TPD52L2: variants seen among roughly 807,000 people sequenced by gnomAD.
TPD52L2 encodes TPD52 like 2, also known as tumor protein D54.
Under a neutral mutation model 24.7 loss-of-function variants are expected in TPD52L2, and 19 were observed. The observed-to-expected ratio is 0.77, with a 90% CI of 0.54 to 1.13. TPD52L2 has a LOEUF of 1.13. TPD52L2 is among the 50% of genes most tolerant of loss of function. TPD52L2 has a pLI of 0.00. For synonymous variants in TPD52L2, 104 were observed against 100.2 expected, an observed-to-expected ratio of 1.04 and a Z score of -0.23; for missense variants, 236 against 250.4, an observed-to-expected ratio of 0.94 and a Z score of 0.39.
rs2052745254 is a variant in TPD52L2 at position 63,877,801 on chromosome 20, A to T, written c.374+1926A>T. ...TCACCTGGCCGAGGCCATTCCCCTG[A>T]GTTCTGTGGCGAGAGCTGTCAACTG... On this transcript the variant is annotated intron_variant, in intron 4 of 6. Transcript: ENST00000346249. This position sits in a 1 kb window ranked among gnomAD's most constrained non-coding sequence, Gnocchi z 4.1. Among the ~76,000 whole-genome samples the T allele has an allele frequency of 6.6e-6, 1 of 152,240 alleles. No individual in the cohort carries two copies. The highest frequency in any genetic ancestry group is 1.5e-5 in the Non-Finnish European group (1 of 68,044).
At chr20:63,867,639 G>A (rs922672021) in intron 1 of TPD52L2, among the ~76,000 whole-genome samples, 2 of 152,112 alleles carry the variant, frequency 1.3e-5, no homozygotes, top group African/African-American at 4.8e-5. Context: ...GAGCGCCAAG[G>A]AAGTGCACAC....
In TPD52L2 at chr20:63,890,080, C is replaced by A. The variant is rs147934118; in HGVS notation, c.*135C>A. ...CTGAGGACAGTCCTGCCCATCCACG[C>A]GGAGATGTGGCTGCCGCGTTTGCAT... On this transcript the variant is annotated 3_prime_UTR_variant, in exon 7 of 7. Transcript: ENST00000346249. 6.6e-7 allele frequency: 1 copy of A among 1,511,064 alleles called. No individual in the cohort carries two copies. The highest frequency in any genetic ancestry group is 1.2e-5 in the South Asian group (1 of 83,060). 93.6% of individuals were successfully genotyped at this position (1,511,064 alleles called of 1,614,324 possible).
chr20:63,887,840 A>T (rs2053191542), intron 5 of TPD52L2: 1 of 577,836 alleles, frequency 1.7e-6, no homozygotes, highest in Non-Finnish European at 3.1e-6. Context: ...CCTTGTGTCA[A>T]ACTGGGCCGT....
chr20:63,887,482 C>T (rs1249696844), intron 5 of TPD52L2: 1 of 1,458,344 alleles, frequency 6.9e-7, no homozygotes, highest in Non-Finnish European at 9.6e-7. Flanking sequence ...CAGCTCTGCC[C>T]ATCCCTGCCA....
At chr20:63,867,513 C>T (rs6010686) in intron 1 of TPD52L2, among the ~76,000 whole-genome samples, 1 of 151,216 alleles carries the variant, frequency 6.6e-6, no homozygotes. Context: ...TTGCAGTGAG[C>T]GGAGATCGTG....
chr20:63,875,923 C>T, intron 4 of TPD52L2, 48 bp downstream of exon 4: 1 of 1,590,206 alleles, frequency 6.3e-7, no homozygotes, highest in Non-Finnish European at 8.6e-7. Flanking sequence ...TCTCCGCCTC[C>T]TGACACTCAG....
At position 63,889,234 on chromosome 20, in the gene TPD52L2, T is replaced by G. The variant is rs773004545; in HGVS notation, c.521T>G (p.Ile174Arg). ...FKSFEDRVGT[I>R]KSKVVGDREN... The stretch of plus-strand genomic sequence containing the variant: ...TCGTTTGAGGACCGAGTTGGGACCA[T>G]AAAGGTAATTGTACCTGGACTGTTT... Residue 174 changes from isoleucine (I) to arginine (R), a missense_variant, in exon 6 of 7, where the codon ATA (isoleucine) becomes AGA (arginine). Transcript: ENST00000346249. 51 of 1,612,564 alleles carry G rather than the reference T, an allele frequency of 3.2e-5. No homozygotes were observed. The highest frequency in any genetic ancestry group is 4.2e-5 in the Non-Finnish European group (49 of 1,179,276).
chr20:63,868,392 A>G (rs989821599), intron 1 of TPD52L2, among the ~76,000 whole-genome samples: 2 of 152,186 alleles, frequency 1.3e-5, no homozygotes, highest in African/African-American at 4.8e-5. Flanking sequence ...CAGGAATTTG[A>G]ATGTGATCTG....
At chr20:63,866,637 A>G (rs1181492152) in intron 1 of TPD52L2, among the ~76,000 whole-genome samples, 1 of 147,678 alleles carries the variant, frequency 6.8e-6, no homozygotes, top group Non-Finnish European at 1.5e-5. Context: ...AATTTTTTGT[A>G]TCTTTAGTAG....
intron 2 of TPD52L2, among the ~76,000 whole-genome samples, chr20:63,870,847 A>G (rs2052436583): frequency 1.3e-5 from 2 of 151,090 alleles, no homozygotes; most frequent in African/African-American, 2.4e-5. Flanking sequence ...CCTCCCGAAT[A>G]TCTGGGATTA....
intron 1 of TPD52L2, among the ~76,000 whole-genome samples, chr20:63,866,641 TTAGTA>T (rs2052248305): frequency 6.6e-6 from 1 of 151,570 alleles, no homozygotes; most frequent in Non-Finnish European, 1.5e-5. Context: ...TTTTGTATCT[TTAGTA>T]GAGACGGGGT....
rs1223704273 is a variant in TPD52L2, at chr20:63,874,258, T to G, written c.314+442T>G. On this transcript the variant is annotated intron_variant, in intron 3 of 6. Transcript: ENST00000346249. The stretch of plus-strand genomic sequence containing the variant: ...TGTGTGTGTGTGTGTGTGTGTGTGT[T>G]TTTAGTAGAGATGGGGTTTCACCAT... 2.4e-4 allele frequency among the ~76,000 whole-genome samples: 34 copies of G among 143,290 alleles called. 1 individual carries two copies. The highest frequency in any genetic ancestry group is 6.7e-4 in the South Asian group (3 of 4,504). The allele number at this position is 143,290 out of a possible 152,430, so 94.0% of individuals were successfully genotyped here. A position where few individuals can be genotyped will look rare whatever the true frequency, so the allele number is the denominator to read the frequency against.
At chr20:63,888,990 GGTT>G (rs1467695846) in intron 5 of TPD52L2, 197 bp from the exon 6 acceptor site, 8 of 618,342 alleles carry the variant, frequency 1.3e-5, no homozygotes, top group African/African-American at 9.2e-5. Flanking sequence ...CTGTCCCTGT[GGTT>G]GTTGGGCATG....
At chr20:63,868,344 A>G (rs1429824142) in intron 1 of TPD52L2, among the ~76,000 whole-genome samples, 1 of 152,270 alleles carries the variant, frequency 6.6e-6, no homozygotes, top group Non-Finnish European at 1.5e-5. Context: ...TAGGGTAGTC[A>G]GGAAGATGCA....
chr20:63,871,376 G>T (rs1312819159), intron 2 of TPD52L2, among the ~76,000 whole-genome samples: 1 of 150,414 alleles, frequency 6.6e-6, no homozygotes, highest in Non-Finnish European at 1.5e-5. Context: ...TAAGGACGGA[G>T]TCTCACTCTG....
chr20:63,867,915 G>A lies in TPD52L2; in HGVS notation c.20-1381G>A, dbSNP rs113789365. Among the ~76,000 whole-genome samples, 943 of 151,158 alleles carry A rather than the reference G, an allele frequency of 6.2e-3. 4 individuals carry two copies. Among genetic ancestry groups the A allele is most frequent in the Non-Finnish European group, 0.011 (758 of 67,834 alleles). On this transcript the variant is annotated intron_variant, in intron 1 of 6. Coordinates refer to ENST00000346249, the MANE Select transcript of TPD52L2 (RefSeq NM_003288.4). ...AGCCTCCCAAAGTGCTGGGATTACC[G>A]GCATGAGCCACCCCGCCCGACCAGT... is the stretch of plus-strand genomic sequence containing the variant.
At chr20:63,876,722 C>T (rs748312303) in intron 4 of TPD52L2, 74 of 455,658 alleles carry the variant, frequency 1.6e-4, no homozygotes, top group Admixed American at 9.4e-5. Flanking sequence ...GGGGACCAGG[C>T]TGGCACTGCG....
intron 4 of TPD52L2, chr20:63,876,751 G>A (rs763792257): frequency 2.2e-6 from 1 of 456,002 alleles, no homozygotes; most frequent in Non-Finnish European, 4.4e-6. Flanking sequence ...GAGCCTTTGC[G>A]TCTGGTGTCA....
chr20:63,879,349 TGTCAGTGGCCAGTG>T (rs1340619799), intron 4 of TPD52L2, among the ~76,000 whole-genome samples: 6 of 151,918 alleles, frequency 3.9e-5, no homozygotes, highest in East Asian at 1.9e-4. Context: ...TGGCACCGGG[TGTCAGTGGCCAGTG>T]GTCAGTGGCC....
Sources: allele counts gnomAD v4.1 joint callset (sites outside exome capture counted in the v4.1 genomes callset), GRCh38; gene constraint gnomAD v4.1.1; non-coding constraint Gnocchi (gnomAD v3.1); transcripts MANE v1.5; gene names NCBI Gene and HGNC (gene_info 2026-07-23, HGNC 2026-07-21).